Variants in HDAC4 observed in about 807,000 individuals in gnomAD.
HDAC4 encodes histone deacetylase A.
HDAC4 carries 16 observed loss-of-function variants against 135.1 expected under a neutral mutation model. That is an observed-to-expected ratio of 0.12 (90% CI 0.08 to 0.18). The LOEUF (loss-of-function observed/expected upper bound fraction) is 0.18. HDAC4 is among the 10% of genes least tolerant of loss of function. HDAC4 has a pLI of 1.00. For missense variants in HDAC4, 1,143 were observed against 1,511.8 expected, an observed-to-expected ratio of 0.76 and a Z score of 4.05; for synonymous variants, 685 against 653.4, an observed-to-expected ratio of 1.05 and a Z score of -0.74.
chr2:239,191,189 G>T (rs950344573), intron 3 of HDAC4: 2 of 346,492 alleles, frequency 5.8e-6, no homozygotes, highest in Non-Finnish European at 1.2e-5. Flanking sequence ...CTCTAGGAGG[G>T]TCTCAAGCTC....
intron 6 of HDAC4, chr2:239,162,158 G>A (rs1280344658): frequency 2.2e-6 from 1 of 456,802 alleles, no homozygotes; most frequent in Admixed American, 2.3e-5. Context: ...AACTCCCGCT[G>A]CAGCCTCCCA....
intron 1 of HDAC4, among the ~76,000 whole-genome samples, chr2:239,391,798 CAGG>C (rs1270791393): frequency 6.6e-6 from 1 of 152,210 alleles, no homozygotes; most frequent in African/African-American, 2.4e-5. Flanking sequence ...ACCGAGGAAC[CAGG>C]AGAAGGATAC....
intron 1 of HDAC4, among the ~76,000 whole-genome samples, chr2:239,370,713 G>A (rs866789342): frequency 2.6e-5 from 4 of 152,240 alleles, no homozygotes; most frequent in African/African-American, 7.2e-5. Flanking sequence ...CTGCAGCCCT[G>A]CGGCGCCTGG....
chr2:239,292,221 G>A (rs1186550857), intron 2 of HDAC4, among the ~76,000 whole-genome samples: 1 of 152,254 alleles, frequency 6.6e-6, no homozygotes, highest in East Asian at 1.9e-4. Context: ...AGCCGGGCAG[G>A]TGCTGCAATG....
At chr2:239,103,276 C>T (rs996906077) in intron 15 of HDAC4, among the ~76,000 whole-genome samples, 11 of 152,226 alleles carry the variant, frequency 7.2e-5, no homozygotes, top group African/African-American at 2.6e-4. Flanking sequence ...TCAAGGGAAA[C>T]CCCAGCCGCG....
intron 2 of HDAC4, among the ~76,000 whole-genome samples, chr2:239,237,369 T>C (rs1264889473): frequency 6.6e-6 from 1 of 152,064 alleles, no homozygotes; most frequent in Non-Finnish European, 1.5e-5. Flanking sequence ...TGGCAAGATT[T>C]CCAGGAATCA....
chr2:239,377,017 T>C (rs376015520), intron 1 of HDAC4, among the ~76,000 whole-genome samples: 1 of 152,066 alleles, frequency 6.6e-6, no homozygotes, highest in East Asian at 1.9e-4. Flanking sequence ...ACCACTGCCC[T>C]GCCAGACACG....
chr2:239,366,127 G>A (rs1428073834), intron 1 of HDAC4, among the ~76,000 whole-genome samples: 10 of 114,408 alleles, frequency 8.7e-5, no homozygotes, highest in South Asian at 6.0e-4. Context: ...TGGCACTGGC[G>A]GACACAAACA....
At chr2:239,398,986 C>T (rs1232568496) in intron 1 of HDAC4, among the ~76,000 whole-genome samples, 1 of 152,178 alleles carries the variant, frequency 6.6e-6, no homozygotes, top group Non-Finnish European at 1.5e-5. Flanking sequence ...AAATAAAAGC[C>T]CAGAACACAG....
At position 239,184,069 on chromosome 2, in the gene HDAC4, TAAAA is replaced by T. The variant is rs58952360; in HGVS notation, c.339+5760_339+5763del. On this transcript the variant is annotated intron_variant, in intron 4 of 26. Coordinates refer to ENST00000543185, the MANE Select transcript of HDAC4 (RefSeq NM_001378414.1). ...GAAAAAGAGGCCAGCCTTGCTAGTGTAAAAAAAAAAAAAAAAAAAAAAAAAAAGA... is the reference window on the plus strand; with the variant it reads ...GAAAAAGAGGCCAGCCTTGCTAGTGTAAAAAAAAAAAAAAAAAAAAAAAGA... 4.4e-3 allele frequency among the ~76,000 whole-genome samples: 312 copies of T among 71,396 alleles called. 2 individuals carry two copies. The highest frequency in any genetic ancestry group is 0.032 in the Middle Eastern group (3 of 94). The allele number at this position is 71,396 out of a possible 152,430, so 46.8% of individuals were successfully genotyped here.
At chr2:239,196,821 AAG>A (rs1166494180) in intron 3 of HDAC4, among the ~76,000 whole-genome samples, 1 of 152,160 alleles carries the variant, frequency 6.6e-6, no homozygotes, top group East Asian at 1.9e-4. Flanking sequence ...TGGGGCAAGG[AAG>A]AGAGAGTGGG....
At chr2:239,393,075 C>G (rs2126113567) in intron 1 of HDAC4, among the ~76,000 whole-genome samples, 1 of 152,314 alleles carries the variant, frequency 6.6e-6, no homozygotes, top group African/African-American at 2.4e-5. Flanking sequence ...AACCCCCTCC[C>G]TTCTGGATGC....
chr2:239,318,148 C>T (rs2053181589), intron 2 of HDAC4, among the ~76,000 whole-genome samples: 1 of 152,086 alleles, frequency 6.6e-6, no homozygotes, highest in Non-Finnish European at 1.5e-5. Context: ...CTGCACAGTC[C>T]CAGATTATCT....
At chr2:239,315,932 A>C (rs746761944) in intron 2 of HDAC4, among the ~76,000 whole-genome samples, 18 of 152,236 alleles carry the variant, frequency 1.2e-4, no homozygotes, top group Non-Finnish European at 2.1e-4. Context: ...AAGCAGCATG[A>C]GAAAGAATGT....
At chr2:239,387,807 A>C (rs943552584) in intron 1 of HDAC4, among the ~76,000 whole-genome samples, 2 of 152,060 alleles carry the variant, frequency 1.3e-5, no homozygotes, top group African/African-American at 4.8e-5. Context: ...TTCCAACAAG[A>C]GTGCGCCCCT....
rs1057524517 is a variant in HDAC4 at position 239,095,018 on chromosome 2, C to T, written c.2272G>A (p.Gly758Ser). 4 of 1,613,932 alleles carry T rather than the reference C, an allele frequency of 2.5e-6. No individual in the cohort carries two copies. Among genetic ancestry groups the T allele is most frequent in the Non-Finnish European group, 3.4e-6 (4 of 1,180,004 alleles). Residue 758 changes from glycine to serine, a missense_variant, in exon 17 of 27, where the codon GGT (glycine) becomes AGT (serine). Physicochemically the swap from Gly to Ser is moderately conservative, Grantham distance 56. Transcript: ENST00000543185. Reference protein sequence around the residue: ...ASVFVRLPCGGVGVDSDTIWN... With the variant: ...ASVFVRLPCGSVGVDSDTIWN... The stretch of plus-strand genomic sequence containing the variant: ...ATTAAAGGAACACTTACCCCAACAC[C>T]ACCGCAAGGGAGCCGGACGAACACG...
At chr2:239,368,700 G>C (rs1210554725) in intron 1 of HDAC4, among the ~76,000 whole-genome samples, 1 of 152,122 alleles carries the variant, frequency 6.6e-6, no homozygotes, top group Non-Finnish European at 1.5e-5. Context: ...CTCCTGCCCA[G>C]GTGAGGTGGG....
intron 12 of HDAC4, among the ~76,000 whole-genome samples, chr2:239,117,743 C>T (rs780061130): frequency 5.9e-5 from 9 of 152,084 alleles, no homozygotes; most frequent in Non-Finnish European, 1.3e-4. Flanking sequence ...TCCGGATGCT[C>T]GATTCATCTG....
chr2:239,283,507 G>A (rs1204875232), intron 2 of HDAC4, among the ~76,000 whole-genome samples: 1 of 152,238 alleles, frequency 6.6e-6, no homozygotes, highest in Non-Finnish European at 1.5e-5. Context: ...GCCGGCAGAG[G>A]CTAGAAGGGG....
Sources: allele counts gnomAD v4.1 joint callset (sites outside exome capture counted in the v4.1 genomes callset), GRCh38; gene constraint gnomAD v4.1.1; transcripts MANE v1.5; gene names NCBI Gene and HGNC (gene_info 2026-07-23, HGNC 2026-07-21).